Variants in GEMIN7 observed in about 807,000 individuals in gnomAD.
The protein encoded by GEMIN7 is gem-associated protein 7.
In GEMIN7, 7 loss-of-function variants were observed where a neutral mutation model predicts 7.8. The ratio of observed to expected loss-of-function variants is 0.90; its 90% CI spans 0.51 to 1.69. The LOEUF is 1.69. Ranked by LOEUF, GEMIN7 falls within the 40% of genes most tolerant of loss-of-function variation. The pLI, the probability that GEMIN7 is intolerant of heterozygous loss-of-function variation, is 0.00. For synonymous variants in GEMIN7, 68 were observed against 72.4 expected (o/e 0.94, Z 0.31); for missense variants, 159 against 176.2 (o/e 0.90, Z 0.55).
intron 2 of GEMIN7, among the ~76,000 whole-genome samples, chr19:45,089,158 T>G (rs1331835513): frequency 6.6e-6 from 1 of 152,096 alleles, no homozygotes; most frequent in African/African-American, 2.4e-5. Flanking sequence ...ACCAGGCTGG[T>G]CTCGAATTCC....
At chr19:45,084,204 T>C (rs1600137754) in intron 2 of GEMIN7, among the ~76,000 whole-genome samples, 1 of 103,854 alleles carries the variant, frequency 9.6e-6, no homozygotes, top group Non-Finnish European at 1.8e-5. Flanking sequence ...AGAGCGAGAC[T>C]CCATCTCACA....
Position 45,087,192 on chromosome 19 carries a change from G to C in GEMIN7, c.-8-2915G>C, listed in dbSNP as rs1967722742. Reference sequence around the variant, plus strand: ...AGAGTATTGCTCTGTTGCCCAGGCTGGAGTACAGTGGCACAATCTCTGCTC... The same window carrying C: ...AGAGTATTGCTCTGTTGCCCAGGCTCGAGTACAGTGGCACAATCTCTGCTC... On this transcript the variant is annotated intron_variant, in intron 2 of 2. Coordinates refer to ENST00000270257, the MANE Select transcript of GEMIN7 (RefSeq NM_024707.3). 2.6e-5 allele frequency among the ~76,000 whole-genome samples: 4 copies of C among 152,124 alleles called. No individual in the cohort carries two copies. The South Asian group carries it at 8.3e-4, about 31-fold the overall frequency.
intron 2 of GEMIN7, chr19:45,088,522 T>G (rs1219618864): frequency 6.6e-6 from 1 of 152,046 alleles, no homozygotes; most frequent in Admixed American, 6.6e-5. Context: ...AGACGAGGTC[T>G]TACCATGTTG....
Position 45,090,214 on chromosome 19 carries a change from T to G in GEMIN7, c.100T>G (p.Leu34Val), listed in dbSNP as rs2122689858. 6.2e-7 allele frequency: 1 copy of G among 1,614,204 alleles called. No individual in the cohort carries two copies. Among genetic ancestry groups the G allele is most frequent in the East Asian group, 2.2e-5 (1 of 44,884 alleles). Residue 34 changes from leucine to valine, a missense_variant, in exon 3 of 3, where the codon TTG becomes GTG. Transcript: ENST00000270257. Reference protein sequence around the residue: ...GFAPDGRRAPLRPEVPEIQEC... With the variant: ...GFAPDGRRAPVRPEVPEIQEC... Reference sequence around the variant, plus strand: ...TGCCCCTGATGGACGCAGAGCCCCCTTGAGGCCAGAGGTTCCTGAAATCCA... The same window carrying G: ...TGCCCCTGATGGACGCAGAGCCCCCGTGAGGCCAGAGGTTCCTGAAATCCA...
At chr19:45,084,936 G>T (rs1158962663) in intron 2 of GEMIN7, among the ~76,000 whole-genome samples, 3 of 152,164 alleles carry the variant, frequency 2.0e-5, no homozygotes, top group African/African-American at 7.2e-5. Flanking sequence ...GCACCATCAG[G>T]CTAATTTTGT....
chr19:45,090,630 A>G lies in GEMIN7; in HGVS notation c.*120A>G. The G allele has an allele frequency of 1.0e-6, 1 of 989,052 alleles. No individual in the cohort carries two copies. The highest frequency in any genetic ancestry group is 1.5e-6 in the Non-Finnish European group (1 of 665,666). The allele number at this position is 989,052 out of a possible 1,614,324, so 61.3% of individuals were successfully genotyped here. ...TGAGCTCCCTTGGAATTTTGAGCCAAGCTTTAAGCAAGTCTGGACTCCTGA... is the reference window on the plus strand; with the variant it reads ...TGAGCTCCCTTGGAATTTTGAGCCAGGCTTTAAGCAAGTCTGGACTCCTGA... On this transcript the variant is annotated 3_prime_UTR_variant, in exon 3 of 3. Transcript: ENST00000270257.
intron 2 of GEMIN7, among the ~76,000 whole-genome samples, chr19:45,085,027 CCT>C (rs1230423885): frequency 5.9e-5 from 9 of 152,228 alleles, no homozygotes; most frequent in Non-Finnish European, 1.2e-4. Flanking sequence ...CCCACCTCGG[CCT>C]CTCAAAGTGC....
At chr19:45,087,494 G>T (rs1171670910) in intron 2 of GEMIN7, among the ~76,000 whole-genome samples, 1 of 152,084 alleles carries the variant, frequency 6.6e-6, no homozygotes, top group African/African-American at 2.4e-5. Flanking sequence ...GGGGGCTGGA[G>T]ATCCAGCAGT....
chr19:45,075,853 G>A (rs751557082), upstream of GEMIN7: 20 of 1,613,918 alleles, frequency 1.2e-5, no homozygotes, highest in Admixed American at 3.2e-4. Context: ...GTCGGTCCAG[G>A]GCTGGCGGTC....
At chr19:45,075,864 T>C (rs1642354041), upstream of GEMIN7, 1 of 1,613,310 alleles carries the variant, frequency 6.2e-7, no homozygotes. Flanking sequence ...GCTGGCGGTC[T>C]GCAGGGAGGA....
In GEMIN7 at chr19:45,090,372, G is replaced by A. The variant is rs1967856597; in HGVS notation, c.258G>A (p.Val86=). 1 of 1,614,040 alleles carries A rather than the reference G, an allele frequency of 6.2e-7. No homozygotes were observed. Among genetic ancestry groups the A allele is most frequent in the African/African-American group, 1.3e-5 (1 of 74,950 alleles). Residue 86 remains valine, a synonymous_variant, in exon 3 of 3, where the codon GTG becomes GTA. Coordinates refer to ENST00000270257, the MANE Select transcript of GEMIN7 (RefSeq NM_024707.3). ...TGAGCTTCACGTTGCACGAGGGTGTGCGTGTGGCCGCCCACTTTGGAGCCA... is the reference window on the plus strand; with the variant it reads ...TGAGCTTCACGTTGCACGAGGGTGTACGTGTGGCCGCCCACTTTGGAGCCA... ...HQVSFTLHEG[V]RVAAHFGATD... is the part of the protein sequence containing the mutation.
At chr19:45,080,593 G>T (rs1967466864) in intron 2 of GEMIN7, among the ~76,000 whole-genome samples, 1 of 151,902 alleles carries the variant, frequency 6.6e-6, no homozygotes, top group Non-Finnish European at 1.5e-5. Context: ...TAGCCAGGCT[G>T]GTCTTAAACT....
At chr19:45,087,124 C>T (rs1221367057) in intron 2 of GEMIN7, among the ~76,000 whole-genome samples, 2 of 151,808 alleles carry the variant, frequency 1.3e-5, no homozygotes, top group Non-Finnish European at 2.9e-5. Context: ...GGATTACAGG[C>T]GTGAGCCACC....
At chr19:45,081,060 G>A (rs985118769) in intron 2 of GEMIN7, among the ~76,000 whole-genome samples, 8 of 152,190 alleles carry the variant, frequency 5.3e-5, no homozygotes, top group Non-Finnish European at 1.0e-4. Context: ...CCAGCTTCTC[G>A]GAAGGCTGAG....
chr19:45,078,766 C>G (rs1415973454), upstream of GEMIN7, among the ~76,000 whole-genome samples: 1 of 152,162 alleles, frequency 6.6e-6, no homozygotes, highest in African/African-American at 2.4e-5. Flanking sequence ...ATTCCCCATT[C>G]AAGGCCTCAG....
rs145189965 is a variant in GEMIN7 at position 45,087,426 on chromosome 19, C to T, written c.-8-2681C>T. On this transcript the variant is annotated intron_variant, in intron 2 of 2. Coordinates refer to ENST00000270257, the MANE Select transcript of GEMIN7 (RefSeq NM_024707.3). ...CTAAAGTGCTAGGATTATAGGCATGCGCCGCCATGCCCAGCTCATTCATGA... is the reference window on the plus strand; with the variant it reads ...CTAAAGTGCTAGGATTATAGGCATGTGCCGCCATGCCCAGCTCATTCATGA... Among the ~76,000 whole-genome samples, 23 of 152,100 alleles carry T rather than the reference C, an allele frequency of 1.5e-4. 1 individual carries two copies. Among genetic ancestry groups the T allele is most frequent in the African/African-American group, 4.8e-4 (20 of 41,462 alleles).
intron 2 of GEMIN7, among the ~76,000 whole-genome samples, chr19:45,087,997 G>A (rs1198638669): frequency 1.4e-5 from 2 of 146,224 alleles, no homozygotes; most frequent in Non-Finnish European, 3.0e-5. Context: ...CCAGGCTGGA[G>A]TACTGTGGCA....
chr19:45,090,615 T>C lies in GEMIN7; in HGVS notation c.*105T>C. On this transcript the variant is annotated 3_prime_UTR_variant, in exon 3 of 3. Transcript: ENST00000270257. ...GGCCCCATGGAGTTATGAGCTCCCT[T>C]GGAATTTTGAGCCAAGCTTTAAGCA... is the stretch of plus-strand genomic sequence containing the variant. 3 of 1,189,862 alleles carry C rather than the reference T, an allele frequency of 2.5e-6. No individual in the cohort carries two copies. The highest frequency in any genetic ancestry group is 3.6e-6 in the Non-Finnish European group (3 of 841,920). 73.7% of individuals were successfully genotyped at this position (1,189,862 alleles called of 1,614,324 possible). A position where few individuals can be genotyped will look rare whatever the true frequency, so the allele number is the denominator to read the frequency against.
intron 2 of GEMIN7, among the ~76,000 whole-genome samples, chr19:45,089,682 A>AATAT (rs200006891): frequency 2.0e-5 from 3 of 151,474 alleles, no homozygotes; most frequent in African/African-American, 7.3e-5. Context: ...GCTAATGTAA[A>AATAT]ATATATATAT....
Sources: gnomAD v4.1 joint callset for allele counts (sites outside exome capture counted in the v4.1 genomes callset) on GRCh38, gnomAD v4.1.1 for gene constraint, MANE v1.5 for transcripts, NCBI Gene and HGNC (gene_info 2026-07-23, HGNC 2026-07-21) for gene names.